LRMDA: variants seen among roughly 807,000 people sequenced by gnomAD.
The protein encoded by LRMDA is leucine-rich melanocyte differentiation-associated protein.
Under a neutral mutation model 29.8 loss-of-function variants are expected in LRMDA, and 18 were observed. The ratio of observed to expected loss-of-function variants is 0.60; its 90% CI spans 0.42 to 0.90. The LOEUF (loss-of-function observed/expected upper bound fraction) is 0.90. LRMDA is among the 40% of genes least tolerant of loss of function. The pLI is 0.00. For missense variants in LRMDA, 273 were observed against 273.9 expected, an observed-to-expected ratio of 1.00 and a Z score of 0.02; for synonymous variants, 125 against 109.4, an observed-to-expected ratio of 1.14 and a Z score of -0.89.
chr10:75,952,427 C>A (rs1846592526), intron 2 of LRMDA, among the ~76,000 whole-genome samples: 1 of 152,094 alleles, frequency 6.6e-6, no homozygotes, highest in Admixed American at 6.5e-5. Flanking sequence ...TCAAATGGGC[C>A]ATTTTGGAGA....
intron 2 of LRMDA, among the ~76,000 whole-genome samples, chr10:75,717,351 C>T (rs1392184846): frequency 6.6e-6 from 1 of 152,206 alleles, no homozygotes; most frequent in Non-Finnish European, 1.5e-5. Context: ...GAGTCAAGCC[C>T]TATAAAAACA....
chr10:75,647,117 G>C (rs1038965717), intron 2 of LRMDA, among the ~76,000 whole-genome samples: 1 of 152,172 alleles, frequency 6.6e-6, no homozygotes, highest in African/African-American at 2.4e-5. Context: ...GGCTCTTGCT[G>C]CCAGACTTTC....
chr10:76,348,181 A>G (rs1273131090), intron 6 of LRMDA, among the ~76,000 whole-genome samples: 1 of 152,190 alleles, frequency 6.6e-6, no homozygotes, highest in East Asian at 1.9e-4. Flanking sequence ...AGGAAAGTAC[A>G]CAGTTATCCC....
intron 2 of LRMDA, among the ~76,000 whole-genome samples, chr10:75,612,919 A>G (rs770025356): frequency 7.4e-4 from 112 of 152,110 alleles, no homozygotes; most frequent in Non-Finnish European, 1.3e-3. Context: ...GCTCATGTCA[A>G]AAGACTTGGC....
chr10:76,337,415 A>C (rs1326392569), intron 6 of LRMDA, among the ~76,000 whole-genome samples: 1 of 152,218 alleles, frequency 6.6e-6, no homozygotes, highest in Non-Finnish European at 1.5e-5. Context: ...CAGAGAAGTC[A>C]CCACTGAGAA....
At chr10:76,250,992 T>C (rs931826596) in intron 5 of LRMDA, among the ~76,000 whole-genome samples, 11 of 152,162 alleles carry the variant, frequency 7.2e-5, no homozygotes, top group African/African-American at 1.9e-4. Context: ...GTAGATTTCT[T>C]TTCCATCAGA....
At chr10:75,564,124 C>T (rs910566613) in intron 2 of LRMDA, among the ~76,000 whole-genome samples, 45 of 152,366 alleles carry the variant, frequency 3.0e-4, no homozygotes, top group Non-Finnish European at 3.1e-4. Context: ...TGTCTGTGCC[C>T]TGCCCCTAGA....
intron 6 of LRMDA, among the ~76,000 whole-genome samples, chr10:76,470,056 T>C (rs1171432035): frequency 6.6e-6 from 1 of 151,428 alleles, no homozygotes; most frequent in East Asian, 1.9e-4. Context: ...GGAAAAAAAA[T>C]AAAAAAACTA....
chr10:75,504,282 C>T lies in LRMDA; in HGVS notation c.131+65788C>T, dbSNP rs993720466. ...GTGCTGGGGTTATAGGCGTGAGCCA[C>T]GGCACCCCATATTTGTTGAGTGCCT... On this transcript the variant is annotated intron_variant, in intron 2 of 6. Coordinates refer to ENST00000611255, the MANE Select transcript of LRMDA (RefSeq NM_001305581.2). 3.9e-5 allele frequency among the ~76,000 whole-genome samples: 6 copies of T among 152,272 alleles called. No homozygotes were observed. The East Asian group carries it at 5.8e-4, about 15-fold the overall frequency.
intron 6 of LRMDA, among the ~76,000 whole-genome samples, chr10:76,408,428 G>A (rs1841924510): frequency 6.6e-6 from 1 of 152,112 alleles, no homozygotes; most frequent in African/African-American, 2.4e-5. Context: ...CATTGATTAT[G>A]TACCGAGAAT....
chr10:75,899,147 A>G (rs1167260784), intron 2 of LRMDA, among the ~76,000 whole-genome samples: 1 of 152,244 alleles, frequency 6.6e-6, no homozygotes, highest in Non-Finnish European at 1.5e-5. Flanking sequence ...AGAGAAGACT[A>G]TTGAAGAAGG....
chr10:76,324,112 TG>T (rs1362481552), intron 5 of LRMDA, among the ~76,000 whole-genome samples: 2 of 152,226 alleles, frequency 1.3e-5, no homozygotes, highest in African/African-American at 4.8e-5. Context: ...TAACTTTTCC[TG>T]TCTTCTGCCT....
intron 6 of LRMDA, among the ~76,000 whole-genome samples, chr10:76,358,861 G>T (rs1020250430): frequency 2.0e-5 from 3 of 152,286 alleles, no homozygotes; most frequent in Admixed American, 2.0e-4. Context: ...GTAGGCATTG[G>T]AAATATCCAT....
chr10:76,347,255 T>A (rs528145850), intron 6 of LRMDA, among the ~76,000 whole-genome samples: 1 of 152,336 alleles, frequency 6.6e-6, no homozygotes, highest in African/African-American at 2.4e-5. Flanking sequence ...TCTCTATTTG[T>A]CATCCTAAAA....
At chr10:76,342,671 T>G (rs1248387551) in intron 6 of LRMDA, among the ~76,000 whole-genome samples, 3 of 151,844 alleles carry the variant, frequency 2.0e-5, no homozygotes, top group African/African-American at 7.3e-5. Flanking sequence ...TAAAAAGCCA[T>G]AGAAACAAGA....
intron 2 of LRMDA, among the ~76,000 whole-genome samples, chr10:75,921,492 C>A (rs1218187701): frequency 6.6e-6 from 1 of 152,078 alleles, no homozygotes; most frequent in African/African-American, 2.4e-5. Context: ...ATATTTTCAC[C>A]TGGTCAAAGG....
intron 5 of LRMDA, among the ~76,000 whole-genome samples, chr10:76,149,267 G>T (rs2132162988): frequency 1.3e-5 from 2 of 152,330 alleles, no homozygotes; most frequent in Middle Eastern, 3.4e-3. Context: ...AGCAGTCAAG[G>T]AGTGATTAGG....
At chr10:76,130,233 T>G (rs2132135108) in intron 5 of LRMDA, among the ~76,000 whole-genome samples, 1 of 152,198 alleles carries the variant, frequency 6.6e-6, no homozygotes, top group East Asian at 1.9e-4. Context: ...ATCCAGAATA[T>G]TTTCTTACAC....
intron 5 of LRMDA, among the ~76,000 whole-genome samples, chr10:76,170,821 A>T (rs2132192205): frequency 6.6e-6 from 1 of 152,316 alleles, no homozygotes; most frequent in South Asian, 2.1e-4. Context: ...TTATTTGAAA[A>T]TTTATATGAG....
Sources: gnomAD v4.1 joint callset for allele counts (sites outside exome capture counted in the v4.1 genomes callset) on GRCh38, gnomAD v4.1.1 for gene constraint, MANE v1.5 for transcripts, NCBI Gene and HGNC (gene_info 2026-07-23, HGNC 2026-07-21) for gene names.